The following LINGO2 variants were observed in gnomAD, a reference collection of about 807,000 sequenced individuals.
LINGO2 encodes the protein leucine-rich repeat and immunoglobulin-like domain-containing nogo receptor-interacting protein 2.
In LINGO2, 14 loss-of-function variants were observed where a neutral mutation model predicts 30.6. The observed-to-expected ratio is 0.46, with a 90% CI of 0.30 to 0.72. LINGO2 has a LOEUF of 0.72. LINGO2 is among the 30% of genes least tolerant of loss of function. LINGO2 has a pLI of 0.07. For missense variants in LINGO2, 729 were observed against 751.7 expected (o/e 0.97, Z 0.35); for synonymous variants, 317 against 288.5 (o/e 1.10, Z -1.00).
At chr9:27,951,006 C>A (rs1013568375) in intron 5 of LINGO2, among the ~76,000 whole-genome samples, 1 of 152,132 alleles carries the variant, frequency 6.6e-6, no homozygotes, top group Non-Finnish European at 1.5e-5. Context: ...ATGTGTGACA[C>A]AGACTGTGAG....
the LINGO2 span, among the ~76,000 whole-genome samples, chr9:28,817,697 T>C: frequency 6.6e-6 from 1 of 152,180 alleles, no homozygotes; most frequent in African/African-American, 2.4e-5. Context: ...GTTGGCCCTA[T>C]GACTGATTGC....
chr9:28,053,946 A>G (rs1016713638), intron 4 of LINGO2, among the ~76,000 whole-genome samples: 6 of 152,062 alleles, frequency 3.9e-5, no homozygotes, highest in Non-Finnish European at 7.4e-5. Flanking sequence ...GATATGGGGT[A>G]AAAAGGAAGG....
At chr9:28,054,843 GGTT>G (rs901202465) in intron 4 of LINGO2, among the ~76,000 whole-genome samples, 1 of 151,894 alleles carries the variant, frequency 6.6e-6, no homozygotes, top group Non-Finnish European at 1.5e-5. Flanking sequence ...CTAAGCCTTA[GGTT>G]GTTATGCCTT....
rs139141724 is a variant in LINGO2 at position 28,083,369 on chromosome 9, C to T, written c.-86-70964G>A. ...TCTGCCTCTGGGTGATGGTGAGAACCTTCTTCAATAAGCTGCTTCTGTTCT... is the reference window on the plus strand; with the variant it reads ...TCTGCCTCTGGGTGATGGTGAGAACTTTCTTCAATAAGCTGCTTCTGTTCT... On this transcript the variant is annotated intron_variant, in intron 4 of 5. Coordinates refer to ENST00000379992, the Ensembl canonical transcript of LINGO2. Among the ~76,000 whole-genome samples, 320 of 152,220 alleles carry T rather than the reference C, an allele frequency of 2.1e-3. 2 individuals are homozygous for T. The highest frequency in any genetic ancestry group is 7.1e-3 in the African/African-American group (296 of 41,548).
At chr9:28,370,278 C>T (rs531733746) in intron 3 of LINGO2, among the ~76,000 whole-genome samples, 17 of 152,224 alleles carry the variant, frequency 1.1e-4, no homozygotes, top group African/African-American at 3.9e-4. Context: ...AATCATTAAA[C>T]CCACATAGTC....
intron 4 of LINGO2, among the ~76,000 whole-genome samples, chr9:28,265,938 G>T (rs1054495741): frequency 6.6e-6 from 1 of 151,918 alleles, no homozygotes; most frequent in African/African-American, 2.4e-5. Context: ...CATTCAAAGA[G>T]ACACATTCAA....
rs142615677 is a variant in LINGO2 at position 28,134,930 on chromosome 9, G to A, written c.-86-122525C>T. On this transcript the variant is annotated intron_variant, in intron 4 of 5. Coordinates refer to ENST00000379992, the Ensembl canonical transcript of LINGO2. ...AGATAAGCTCAGACGCTCTATACAG[G>A]AAGAGAACAATCTAAATCCAAGAAG... Among the ~76,000 whole-genome samples, 722 of 152,294 alleles carry A rather than the reference G, an allele frequency of 4.7e-3. 9 individuals are homozygous for A. Among genetic ancestry groups the A allele is most frequent in the African/African-American group, 0.016 (683 of 41,558 alleles).
intron 1 of LINGO2, among the ~76,000 whole-genome samples, chr9:28,493,879 CT>C (rs1302999332): frequency 2.0e-5 from 3 of 152,136 alleles, no homozygotes; most frequent in African/African-American, 4.8e-5. Flanking sequence ...GTGCTGGAAG[CT>C]TCCTGCCATC....
intron 1 of LINGO2, among the ~76,000 whole-genome samples, chr9:28,509,269 A>C (rs1463042251): frequency 6.6e-6 from 1 of 152,194 alleles, no homozygotes; most frequent in Non-Finnish European, 1.5e-5. Flanking sequence ...AACAGGTTTC[A>C]CATTTTCGCT....
At chr9:28,633,540 A>G (rs1248197842) in intron 1 of LINGO2, among the ~76,000 whole-genome samples, 1 of 152,214 alleles carries the variant, frequency 6.6e-6, no homozygotes, top group Non-Finnish European at 1.5e-5. Flanking sequence ...CTCAAATTGC[A>G]CTTAAATAAT....
chr9:28,476,253 T>A (rs1399377668), intron 1 of LINGO2, among the ~76,000 whole-genome samples: 3 of 152,220 alleles, frequency 2.0e-5, no homozygotes, highest in African/African-American at 7.2e-5. Flanking sequence ...TAACAATCTA[T>A]TAAAATTAAT....
At chr9:27,960,881 G>A (rs1462360523) in intron 5 of LINGO2, among the ~76,000 whole-genome samples, 1 of 151,586 alleles carries the variant, frequency 6.6e-6, no homozygotes, top group East Asian at 1.9e-4. Context: ...TTTTTGTTTT[G>A]TATTTCAATT....
the LINGO2 span, among the ~76,000 whole-genome samples, chr9:29,096,631 C>A: frequency 7.1e-6 from 1 of 140,184 alleles, no homozygotes; most frequent in African/African-American, 2.7e-5. Flanking sequence ...GATTTGTGAA[C>A]CTTCAAAAGA....
chr9:29,074,876 CTG>C, the LINGO2 span, among the ~76,000 whole-genome samples: 1 of 151,464 alleles, frequency 6.6e-6, no homozygotes, highest in Non-Finnish European at 1.5e-5. Context: ...CAGGGCTTCA[CTG>C]TGTTAGCCAG....
intron 2 of LINGO2, among the ~76,000 whole-genome samples, chr9:28,391,859 A>G (rs1821848746): frequency 6.6e-6 from 1 of 152,198 alleles, no homozygotes. Flanking sequence ...ATAGGGAAAA[A>G]TAATTCTTAG....
chr9:29,053,789 A>C, the LINGO2 span, among the ~76,000 whole-genome samples: 3 of 152,138 alleles, frequency 2.0e-5, no homozygotes, highest in Admixed American at 2.0e-4. Flanking sequence ...TTATTAATAC[A>C]TAATGAAATT....
chr9:28,318,941 G>T (rs1309149229), intron 3 of LINGO2, among the ~76,000 whole-genome samples: 1 of 152,102 alleles, frequency 6.6e-6, no homozygotes, highest in African/African-American at 2.4e-5. Flanking sequence ...GCTTAGAGAT[G>T]TTCAGCTGCT....
chr9:28,407,026 A>G (rs1220579724), intron 2 of LINGO2, among the ~76,000 whole-genome samples: 1 of 152,150 alleles, frequency 6.6e-6, no homozygotes, highest in African/African-American at 2.4e-5. Context: ...GCTAAGTTTT[A>G]TAAGAAAGAA....
At chr9:28,693,813 T>C in the LINGO2 span, among the ~76,000 whole-genome samples, 1 of 152,128 alleles carries the variant, frequency 6.6e-6, no homozygotes. Context: ...ATTATACTTT[T>C]TATAGGTTTT....
Sources: gnomAD v4.1 joint callset for allele counts (sites outside exome capture counted in the v4.1 genomes callset) on GRCh38, gnomAD v4.1.1 for gene constraint, MANE v1.5 for transcripts, NCBI Gene and HGNC (gene_info 2026-07-23, HGNC 2026-07-21) for gene names.